Variants in CELF4 observed in about 807,000 individuals in gnomAD.
CELF4 encodes CUGBP Elav-like family member 4, also known as CUG-BP- and ETR-3-like factor 4.
In CELF4, 18 loss-of-function variants were observed where a neutral mutation model predicts 59.9. The observed-to-expected ratio is 0.30, with a 90% CI of 0.21 to 0.45. The LOEUF (loss-of-function observed/expected upper bound fraction) is 0.45. CELF4 is among the 20% of genes least tolerant of loss of function. The pLI is 1.00. For missense variants in CELF4, 456 were observed against 689.0 expected (o/e 0.66, Z 3.79); for synonymous variants, 261 against 267.1 (o/e 0.98, Z 0.22).
intron 2 of CELF4, among the ~76,000 whole-genome samples, chr18:37,336,461 C>T (rs2097773515): frequency 6.6e-6 from 1 of 152,208 alleles, no homozygotes; most frequent in Non-Finnish European, 1.5e-5. Flanking sequence ...AGATCACATG[C>T]ATGAGCCACC....
In CELF4 at chr18:37,319,578, T is replaced by C. The variant is rs1310371737; in HGVS notation, c.448+2225A>G. On this transcript the variant is annotated intron_variant, in intron 3 of 12. Transcript: ENST00000420428. Reference sequence around the variant, plus strand: ...GAGGGCAGAGGCCTGACTGAGGGGATGAAGGAGTGTTCTGAGCAGGCACAG... The same window carrying C: ...GAGGGCAGAGGCCTGACTGAGGGGACGAAGGAGTGTTCTGAGCAGGCACAG... Among the ~76,000 whole-genome samples the C allele has an allele frequency of 2.6e-5, 4 of 152,190 alleles. No individual in the cohort carries two copies. The East Asian group carries it at 7.7e-4, about 29-fold the overall frequency.
intron 3 of CELF4, among the ~76,000 whole-genome samples, chr18:37,312,503 T>C (rs1020544515): frequency 1.3e-5 from 2 of 152,154 alleles, no homozygotes; most frequent in Non-Finnish European, 2.9e-5. Flanking sequence ...GATTCAAGTA[T>C]ACAAAAGATC....
At chr18:37,259,056 C>T (rs1043028588) in intron 11 of CELF4, 125 bp downstream of exon 11, 12 of 1,486,976 alleles carry the variant, frequency 8.1e-6, no homozygotes, top group South Asian at 1.2e-5. Flanking sequence ...AGTCGGACAC[C>T]GGTAGGTTGG....
chr18:37,463,573 C>A, intron 2 of CELF4, among the ~76,000 whole-genome samples: 1 of 152,192 alleles, frequency 6.6e-6, no homozygotes, highest in East Asian at 1.9e-4. Flanking sequence ...AGTCTTTGGA[C>A]CTGGGCCAAA....
chr18:37,463,172 A>AT (rs1335904627), intron 2 of CELF4, among the ~76,000 whole-genome samples: 2 of 152,180 alleles, frequency 1.3e-5, no homozygotes, highest in Admixed American at 6.5e-5. Flanking sequence ...TTCAAAAATG[A>AT]TTAAGAATTT....
intron 2 of CELF4, among the ~76,000 whole-genome samples, chr18:37,327,535 C>T (rs1286067476): frequency 2.0e-5 from 3 of 152,226 alleles, no homozygotes; most frequent in Admixed American, 6.5e-5. Flanking sequence ...AATGTCTTCA[C>T]CTGGCTTCCC....
chr18:37,462,748 C>G (rs1366142814), intron 2 of CELF4, among the ~76,000 whole-genome samples: 4 of 151,944 alleles, frequency 2.6e-5, no homozygotes, highest in African/African-American at 9.7e-5. Flanking sequence ...CTTGTCCAAC[C>G]CCTGGCCCAG....
intron 5 of CELF4, 142 bp from the exon 6 acceptor site, chr18:37,274,596 G>C (rs1426630150): frequency 3.2e-6 from 5 of 1,552,936 alleles, no homozygotes; most frequent in Non-Finnish European, 4.3e-6. Flanking sequence ...GGGGAATGAG[G>C]TGTGAACCCC....
intron 1 of CELF4, among the ~76,000 whole-genome samples, chr18:37,551,652 G>A (rs1259628903): frequency 6.6e-6 from 1 of 152,152 alleles, no homozygotes; most frequent in African/African-American, 2.4e-5. Context: ...GAGTCTGTGG[G>A]GACAATCTGA....
chr18:37,432,735 T>C (rs2154600832), intron 2 of CELF4, among the ~76,000 whole-genome samples: 1 of 152,324 alleles, frequency 6.6e-6, no homozygotes, highest in East Asian at 1.9e-4. Flanking sequence ...GGCAGGGACC[T>C]GGAGAGGCCA....
chr18:37,372,274 A>G (rs1434626538), intron 2 of CELF4, among the ~76,000 whole-genome samples: 1 of 152,260 alleles, frequency 6.6e-6, no homozygotes, highest in Non-Finnish European at 1.5e-5. Flanking sequence ...AATGTGGCAC[A>G]TATACACCAT....
intron 3 of CELF4, among the ~76,000 whole-genome samples, chr18:37,310,709 G>T (rs2096614024): frequency 6.6e-6 from 1 of 152,296 alleles, no homozygotes; most frequent in Non-Finnish European, 1.5e-5. Context: ...GCTGTTCCCA[G>T]TGCGGTGTGC....
At chr18:37,468,637 T>C (rs118070050) in intron 2 of CELF4, among the ~76,000 whole-genome samples, 3,601 of 152,242 alleles carry the variant, frequency 0.024, 129 homozygotes, top group East Asian at 0.16. Flanking sequence ...AAGACATACC[T>C]GAGACTGGGT....
intron 3 of CELF4, chr18:37,276,628 G>A (rs2154368729): frequency 6.6e-6 from 1 of 152,222 alleles, no homozygotes; most frequent in East Asian, 1.9e-4. Flanking sequence ...CCAGCTCCCA[G>A]CCTTTGAATT....
intron 1 of CELF4, among the ~76,000 whole-genome samples, chr18:37,525,204 G>GGTGGCCTGTCGCTCTCTTCAGAGGCC (rs2099962482): frequency 6.6e-6 from 1 of 152,150 alleles, no homozygotes; most frequent in Non-Finnish European, 1.5e-5. Flanking sequence ...CTGGAGGGAC[G>GGTGGCCTGTCGCTCTCTTCAGAGGCC]GTGGCCTGTC....
At chr18:37,398,684 A>G (rs543268339) in intron 2 of CELF4, among the ~76,000 whole-genome samples, 1 of 152,226 alleles carries the variant, frequency 6.6e-6, no homozygotes, top group South Asian at 2.1e-4. Context: ...AGCCACTGAC[A>G]CTGCTTGAGG....
intron 1 of CELF4, among the ~76,000 whole-genome samples, chr18:37,517,314 G>T (rs1282819447): frequency 6.6e-6 from 1 of 152,202 alleles, no homozygotes; most frequent in African/African-American, 2.4e-5. Flanking sequence ...CTTTTCAAGT[G>T]TGGGCTTTCT....
chr18:37,265,379 A>G (rs983300721), intron 9 of CELF4, among the ~76,000 whole-genome samples: 2 of 152,186 alleles, frequency 1.3e-5, no homozygotes, highest in African/African-American at 4.8e-5. Context: ...ATCATGGATA[A>G]TTAAAAACAC....
At chr18:37,527,533 T>C (rs904102959) in intron 1 of CELF4, among the ~76,000 whole-genome samples, 2 of 152,124 alleles carry the variant, frequency 1.3e-5, no homozygotes, top group South Asian at 4.1e-4. Flanking sequence ...CTCTACTTAG[T>C]GAAGCTGCTG....
Sources: gnomAD v4.1 joint callset for allele counts (sites outside exome capture counted in the v4.1 genomes callset) on GRCh38, gnomAD v4.1.1 for gene constraint, MANE v1.5 for transcripts, NCBI Gene and HGNC (gene_info 2026-07-23, HGNC 2026-07-21) for gene names.